Variants in AGTPBP1 observed in about 807,000 individuals in gnomAD.
AGTPBP1 encodes the protein ATP/GTP binding carboxypeptidase 1.
In AGTPBP1, 70 loss-of-function variants were observed where a neutral mutation model predicts 143.9. The ratio of observed to expected loss-of-function variants is 0.49; its 90% CI spans 0.40 to 0.59. AGTPBP1 has a LOEUF of 0.59. AGTPBP1 is among the 20% of genes least tolerant of loss of function. The pLI is 0.00. For missense variants in AGTPBP1, 1,229 were observed against 1,464.5 expected, an observed-to-expected ratio of 0.84 and a Z score of 2.62; for synonymous variants, 463 against 500.2, an observed-to-expected ratio of 0.93 and a Z score of 0.99.
At chr9:85,667,967 A>G in intron 8 of AGTPBP1, among the ~76,000 whole-genome samples, 1 of 151,836 alleles carries the variant, frequency 6.6e-6, no homozygotes, top group Non-Finnish European at 1.5e-5. Context: ...ATTACCGTTA[A>G]TATTGTTGGG....
At chr9:85,650,266 G>A (rs760496444) in intron 11 of AGTPBP1, among the ~76,000 whole-genome samples, 3 of 152,018 alleles carry the variant, frequency 2.0e-5, no homozygotes, top group Non-Finnish European at 2.9e-5. Context: ...CTTGAAAAAT[G>A]TAAGTTTGAA....
chr9:85,773,838 G>A, the AGTPBP1 span: 1 of 1,573,988 alleles, frequency 6.4e-7, no homozygotes, highest in Non-Finnish European at 8.7e-7. Flanking sequence ...TATTTGTTAG[G>A]TGGTGAATTT....
intron 8 of AGTPBP1, among the ~76,000 whole-genome samples, chr9:85,663,993 A>G (rs1833989909): frequency 6.6e-6 from 1 of 152,212 alleles, no homozygotes; most frequent in South Asian, 2.1e-4. Context: ...TAAATTTTTG[A>G]TATGTGCAAC....
rs1477684721 is a variant in AGTPBP1 at position 85,655,320 on chromosome 9, C to G, written c.910G>C (p.Glu304Gln). The G allele has an allele frequency of 6.8e-7, 1 of 1,479,814 alleles. No individual in the cohort carries two copies. Among genetic ancestry groups the G allele is most frequent in the South Asian group, 1.4e-5 (1 of 72,972 alleles). 91.7% of individuals were successfully genotyped at this position (1,479,814 alleles called of 1,614,324 possible). The change falls in exon 11 of 26, where the codon GAA (glutamate) becomes CAA (glutamine). Residue 304 changes from glutamate (E) to glutamine (Q), a missense_variant and splice_region_variant. This residue lies in a region of AGTPBP1 where 743 missense variants were observed against 812.2 expected (regional missense o/e 0.91). Transcript: ENST00000357081. ...TCCAGAGTCCTGACTGCCAGACATT[C>G]CTGTTTTTTAAAAAAAGAAAAAGAA... ...GMKILYNTSQ[E>Q]CLAVRTLDPL... is the part of the protein sequence containing the mutation.
the AGTPBP1 span, among the ~76,000 whole-genome samples, chr9:85,787,289 G>A: frequency 6.6e-6 from 1 of 151,966 alleles, no homozygotes; most frequent in East Asian, 1.9e-4. Context: ...CTAAAACTGG[G>A]AGAAATGAAT....
At chr9:85,642,097 T>A (rs556181847) in intron 13 of AGTPBP1, among the ~76,000 whole-genome samples, 3 of 152,118 alleles carry the variant, frequency 2.0e-5, no homozygotes, top group Non-Finnish European at 4.4e-5. Context: ...TGTATGAAAT[T>A]TGGGGAACAA....
At chr9:85,760,538 A>T in the AGTPBP1 span, among the ~76,000 whole-genome samples, 1 of 152,230 alleles carries the variant, frequency 6.6e-6, no homozygotes, top group Non-Finnish European at 1.5e-5. Context: ...GTCTCAATAG[A>T]TGCAGAAAAG....
At chr9:85,624,064 T>C (rs1308756783) in intron 14 of AGTPBP1, among the ~76,000 whole-genome samples, 2 of 152,128 alleles carry the variant, frequency 1.3e-5, no homozygotes, top group African/African-American at 4.8e-5. Flanking sequence ...ACCAGCAAAA[T>C]TGTACTTTGT....
intron 1 of AGTPBP1, among the ~76,000 whole-genome samples, chr9:85,717,114 A>G (rs373497303): frequency 7.2e-5 from 11 of 152,174 alleles, no homozygotes; most frequent in African/African-American, 2.7e-4. Context: ...AATATTGCAA[A>G]CTACCTCCAG....
intron 24 of AGTPBP1, among the ~76,000 whole-genome samples, chr9:85,575,810 G>C (rs1827860890): frequency 6.6e-6 from 1 of 152,148 alleles, no homozygotes. Flanking sequence ...TTTAACAAGA[G>C]CTTGTTAGTA....
intron 2 of AGTPBP1, among the ~76,000 whole-genome samples, chr9:85,697,530 G>A (rs1476088487): frequency 3.6e-4 from 47 of 129,998 alleles, no homozygotes; most frequent in Admixed American, 1.3e-3. Context: ...TCGGCTCACT[G>A]CAAGCTCCGC....
the AGTPBP1 span, among the ~76,000 whole-genome samples, chr9:85,778,038 C>A: frequency 6.6e-6 from 1 of 152,194 alleles, no homozygotes; most frequent in Non-Finnish European, 1.5e-5. Flanking sequence ...ATAGGGAACT[C>A]CCCATGAGGC....
In AGTPBP1 at chr9:85,681,120, A is replaced by G. The variant is rs1416054403; in HGVS notation, c.225+148T>C. On this transcript the variant is annotated intron_variant, in intron 4 of 25. Transcript: ENST00000357081. ...ATTTCCATTTACTGGCTTTACCTCT[A>G]AAACAAAAATTATTACATATACGTG... 3 of 726,692 alleles carry G rather than the reference A, an allele frequency of 4.1e-6. No homozygotes were observed. In the Admixed American group the frequency reaches 1.0e-4, roughly 25 times the overall value. The allele number at this position is 726,692 out of a possible 1,614,324, so 45.0% of individuals were successfully genotyped here. A position where few individuals can be genotyped will look rare whatever the true frequency, so the allele number is the denominator to read the frequency against.
intron 1 of AGTPBP1, among the ~76,000 whole-genome samples, chr9:85,719,057 T>C (rs1334942333): frequency 6.6e-6 from 1 of 152,148 alleles, no homozygotes; most frequent in Non-Finnish European, 1.5e-5. Context: ...TACCATGCTG[T>C]TTTAGTTACT....
chr9:85,671,720 C>T (rs934566220), intron 7 of AGTPBP1, among the ~76,000 whole-genome samples: 2 of 152,172 alleles, frequency 1.3e-5, no homozygotes, highest in Non-Finnish European at 1.5e-5. Flanking sequence ...CGTGGAACCT[C>T]GTGTTAGTGA....
the AGTPBP1 span, among the ~76,000 whole-genome samples, chr9:85,757,476 C>T: frequency 3.3e-5 from 5 of 151,730 alleles, no homozygotes; most frequent in South Asian, 1.0e-3. Context: ...GAGGAGATAA[C>T]AGAGGACAAA....
At chr9:85,565,671 T>G (rs566171110) in intron 25 of AGTPBP1, among the ~76,000 whole-genome samples, 1 of 152,200 alleles carries the variant, frequency 6.6e-6, no homozygotes, top group Non-Finnish European at 1.5e-5. Context: ...CTTCCCCTAC[T>G]GATTCCATGC....
chr9:85,692,780 C>T lies in AGTPBP1; in HGVS notation c.66G>A (p.Leu22=). The T allele has an allele frequency of 6.2e-7, 1 of 1,613,948 alleles. No individual in the cohort carries two copies. The highest frequency in any genetic ancestry group is 1.1e-5 in the South Asian group (1 of 91,068). Residue 22 remains leucine (L), a synonymous_variant, in exon 3 of 26, where the codon CTG becomes CTA. Transcript: ENST00000357081. ...LTNNSRIVGL[L]AQLEKINAEP... is the part of the protein sequence containing the mutation. ...CAGCATTGATCTTCTCCAGTTGAGC[C>T]AGGAGTCCTACGATCCTAGAATTAT...
the AGTPBP1 span, chr9:85,781,307 A>C: frequency 4.5e-6 from 7 of 1,569,676 alleles, no homozygotes; most frequent in Non-Finnish European, 6.0e-6. Flanking sequence ...CGGGATCATA[A>C]GAAGAAACTT....
Sources: gnomAD v4.1 joint callset for allele counts (sites outside exome capture counted in the v4.1 genomes callset) on GRCh38, gnomAD v4.1.1 for gene constraint, gnomAD v4.1.1 regional missense constraint, MANE v1.5 for transcripts, NCBI Gene and HGNC (gene_info 2026-07-23, HGNC 2026-07-21) for gene names.